The following TM6SF1 variants were observed in gnomAD, a reference collection of about 807,000 sequenced individuals.
TM6SF1 encodes the protein transmembrane 6 superfamily member 1.
In TM6SF1, 43 loss-of-function variants were observed where a neutral mutation model predicts 47.1. The observed-to-expected ratio is 0.91, with a 90% CI of 0.72 to 1.18. TM6SF1 has a LOEUF of 1.18. Ranked by LOEUF, TM6SF1 falls within the 50% of genes most tolerant of loss-of-function variation. The pLI is 0.00. For synonymous variants in TM6SF1, 177 were observed against 166.3 expected (o/e 1.06, Z -0.49); for missense variants, 390 against 449.0 (o/e 0.87, Z 1.19).
intron 3 of TM6SF1, among the ~76,000 whole-genome samples, chr15:83,118,289 A>G (rs986436444): frequency 1.3e-5 from 2 of 152,002 alleles, no homozygotes; most frequent in African/African-American, 4.8e-5. Context: ...AGAGAGAGAG[A>G]GGCAAGATGG....
chr15:83,110,558 C>G (rs926640591), intron 1 of TM6SF1, among the ~76,000 whole-genome samples: 1 of 152,182 alleles, frequency 6.6e-6, no homozygotes, highest in African/African-American at 2.4e-5. Flanking sequence ...ACCAACCACG[C>G]GATCCTGCTG....
chr15:83,107,890 C>A lies in TM6SF1; in HGVS notation c.92+118C>A. 2 of 1,323,978 alleles carry A rather than the reference C, an allele frequency of 1.5e-6. No individual in the cohort carries two copies. The highest frequency in any genetic ancestry group is 1.9e-6 in the Non-Finnish European group (2 of 1,035,452). The allele number at this position is 1,323,978 out of a possible 1,614,324, so 82.0% of individuals were successfully genotyped here. On this transcript the variant is annotated intron_variant, in intron 1 of 9. Transcript: ENST00000322019. This position sits in a 1 kb window ranked among gnomAD's most constrained non-coding sequence, Gnocchi z 5.6. ...GACCGTCCGCCGCGGGACAGAGGTT[C>A]GTGGCCGCAGGGGCTCCCCGCGCCT...
intron 4 of TM6SF1, among the ~76,000 whole-genome samples, chr15:83,121,101 C>T (rs953897242): frequency 1.3e-5 from 2 of 151,558 alleles, no homozygotes; most frequent in African/African-American, 4.9e-5. Flanking sequence ...GACGGAGTCT[C>T]GCTCTGTCAC....
intron 1 of TM6SF1, among the ~76,000 whole-genome samples, chr15:83,109,394 A>G (rs2033944421): frequency 6.6e-6 from 1 of 152,224 alleles, no homozygotes; most frequent in Non-Finnish European, 1.5e-5. Context: ...GGCCTCAGCC[A>G]CTGGGAAGAT....
At chr15:83,128,136 T>C (rs2035935882) in intron 9 of TM6SF1, 2 of 152,246 alleles carry the variant, frequency 1.3e-5, no homozygotes, top group Admixed American at 1.3e-4. Flanking sequence ...ATAAAACAAA[T>C]GAACTTATCA....
chr15:83,107,825 C>G lies in TM6SF1; in HGVS notation c.92+53C>G, dbSNP rs984000890. On this transcript the variant is annotated intron_variant, in intron 1 of 9. Coordinates refer to ENST00000322019, the MANE Select transcript of TM6SF1 (RefSeq NM_023003.5). This position sits in a 1 kb window ranked among gnomAD's most constrained non-coding sequence, Gnocchi z 5.6. Reference sequence around the variant, plus strand: ...CGCCGAGGGGCGGCGGGAGTTGGCTCGCCGCGACGGGAGCCTCGCAACTTT... The same window carrying G: ...CGCCGAGGGGCGGCGGGAGTTGGCTGGCCGCGACGGGAGCCTCGCAACTTT... 1.3e-6 allele frequency: 2 copies of G among 1,532,662 alleles called. No homozygotes were observed. Among genetic ancestry groups the G allele is most frequent in the East Asian group, 2.7e-5 (1 of 37,442 alleles). 94.9% of individuals were successfully genotyped at this position (1,532,662 alleles called of 1,614,324 possible).
At chr15:83,118,889 T>C (rs1324879893) in intron 3 of TM6SF1, among the ~76,000 whole-genome samples, 1 of 152,180 alleles carries the variant, frequency 6.6e-6, no homozygotes, top group Non-Finnish European at 1.5e-5. Context: ...AATCTTGTGT[T>C]CATAACATTA....
At chr15:83,115,482 G>C in intron 2 of TM6SF1, 1 of 387,572 alleles carries the variant, frequency 2.6e-6, no homozygotes, top group Non-Finnish European at 5.0e-6. Context: ...TACTGGCTTT[G>C]CTCCCACTGC....
chr15:83,126,813 A>G lies in TM6SF1; in HGVS notation c.767A>G (p.Tyr256Cys). 6.2e-7 allele frequency: 1 copy of G among 1,614,008 alleles called. No homozygotes were observed. The highest frequency in any genetic ancestry group is 1.7e-5 in the Admixed American group (1 of 60,004). The change falls in exon 8 of 10, where the codon TAT (tyrosine) becomes TGT (cysteine). Residue 256 changes from tyrosine to cysteine, a missense_variant. Physicochemically the swap from Tyr to Cys is radical, Grantham distance 194. Coordinates refer to ENST00000322019, the MANE Select transcript of TM6SF1 (RefSeq NM_023003.5). The stretch of plus-strand genomic sequence containing the variant: ...TTATATACGCAATTTCAAGAGCCCT[A>G]TCTAAAGGATCCTGCTGCTTATCCT... ...CRLYTQFQEP[Y>C]LKDPAAYPKI...
At chr15:83,130,167 T>G (rs1390292279) in intron 9 of TM6SF1, 6 of 152,046 alleles carry the variant, frequency 3.9e-5, no homozygotes, top group African/African-American at 1.5e-4. Context: ...AGGAGACAAA[T>G]GGAAACAGCA....
rs775131968 is a variant in TM6SF1 at position 83,126,788 on chromosome 15, TTA to T, written c.747_748del (p.Thr250AlafsTer15). The part of the protein sequence containing the change: ...ALDCPSELCR[L>X]YTQFQEPYLK... The stretch of plus-strand genomic sequence containing the variant: ...GGATTGCCCATCTGAGCTCTGCCGA[TTA>T]TATACGCAATTTCAAGAGCCCTATC... On this transcript the variant is annotated frameshift_variant, in exon 8 of 10. Transcript: ENST00000322019. LOFTEE classifies it high-confidence loss of function. The T allele has an allele frequency of 1.9e-6, 3 of 1,613,892 alleles. No individual in the cohort carries two copies.
At chr15:83,115,801 CT>C in intron 2 of TM6SF1, 43 bp from the exon 3 acceptor site, 1 of 1,292,280 alleles carries the variant, frequency 7.7e-7, no homozygotes, top group Non-Finnish European at 1.1e-6. Context: ...TAGTAATTGT[CT>C]CCTGAGCTAT....
Position 83,112,927 on chromosome 15 carries a change from T to C in TM6SF1, c.196+27T>C, listed in dbSNP as rs757373408. 7 of 1,517,416 alleles carry C rather than the reference T, an allele frequency of 4.6e-6. No homozygotes were observed. The African/African-American group carries it at 6.8e-5, about 15-fold the overall frequency. 94.0% of individuals were successfully genotyped at this position (1,517,416 alleles called of 1,614,324 possible). The stretch of plus-strand genomic sequence containing the variant: ...TACGTCTCCACAAAGGGAAATCTTT[T>C]GTATCTGATTAATAACACAATACTT... On this transcript the variant is annotated intron_variant, in intron 2 of 9. Coordinates refer to ENST00000322019, the MANE Select transcript of TM6SF1 (RefSeq NM_023003.5).
At chr15:83,131,315 T>C (rs531588296) in intron 9 of TM6SF1, 3 of 151,938 alleles carry the variant, frequency 2.0e-5, no homozygotes, top group Admixed American at 6.6e-5. Context: ...AAGTTCTAGA[T>C]CAGTATAGGC....
chr15:83,113,047 C>A, intron 2 of TM6SF1, 147 bp downstream of exon 2: 2 of 685,914 alleles, frequency 2.9e-6, no homozygotes, highest in Non-Finnish European at 5.1e-6. Context: ...GACAATCTGG[C>A]CCTCGCCTCT....
Position 83,121,935 on chromosome 15 carries a change from C to A in TM6SF1, c.413C>A (p.Thr138Asn). ...TGTTGTTACAGGGAAACTTATAGAA[C>A]CATTGGCCTATATTGGGTTGGATCT... Reference protein sequence around the residue: ...AAIAWEETYRTIGLYWVGSII... With the variant: ...AAIAWEETYRNIGLYWVGSII... Residue 138 changes from threonine to asparagine, a missense_variant, in exon 5 of 10, where the codon ACC becomes AAC. Thr to Asn is a moderately conservative substitution (Grantham distance 65). Transcript: ENST00000322019. The A allele has an allele frequency of 6.2e-7, 1 of 1,607,572 alleles. No individual in the cohort carries two copies. Among genetic ancestry groups the A allele is most frequent in the Non-Finnish European group, 8.5e-7 (1 of 1,178,440 alleles).
chr15:83,127,220 T>TTA, intron 8 of TM6SF1, 138 bp from the exon 9 acceptor site: 1 of 649,070 alleles, frequency 1.5e-6, no homozygotes, highest in Non-Finnish European at 2.2e-6. Context: ...AAAATAAAAG[T>TTA]AAAAAAAAAA....
In TM6SF1 at chr15:83,112,871, G is replaced by C; in HGVS notation, c.167G>C (p.Arg56Thr). The stretch of plus-strand genomic sequence containing the variant: ...CTGCTGGCTCGTGTCCTCGTCAAAA[G>C]AAAACCACCCCGGGACCCACTGTTC... ...VALLARVLVK[R>T]KPPRDPLFYV... The change falls in exon 2 of 10, where the codon AGA becomes ACA. Residue 56 changes from arginine to threonine, a missense_variant. By Grantham distance (71) the Arg-to-Thr change is moderately conservative. Coordinates refer to ENST00000322019, the MANE Select transcript of TM6SF1 (RefSeq NM_023003.5). 6.2e-7 allele frequency: 1 copy of C among 1,614,048 alleles called. No homozygotes were observed.
At chr15:83,134,493 G>C (rs2036481902) in intron 9 of TM6SF1, 1 of 152,344 alleles carries the variant, frequency 6.6e-6, no homozygotes, top group African/African-American at 2.4e-5. Flanking sequence ...AAAGTACTGG[G>C]ATTACAGGCG....
Sources: allele counts gnomAD v4.1 joint callset (sites outside exome capture counted in the v4.1 genomes callset), GRCh38; gene constraint gnomAD v4.1.1; non-coding constraint Gnocchi (gnomAD v3.1); transcripts MANE v1.5; gene names NCBI Gene and HGNC (gene_info 2026-07-23, HGNC 2026-07-21).